Variants in DMRT1 observed in about 807,000 individuals in gnomAD.
DMRT1 encodes doublesex and mab-3 related transcription factor 1, also known as doublesex- and mab-3-related transcription factor 1.
DMRT1 carries 7 observed loss-of-function variants against 32.3 expected under a neutral mutation model. That is an observed-to-expected ratio of 0.22 (90% confidence interval 0.12 to 0.41). DMRT1 has a LOEUF of 0.41. Ranked by LOEUF, DMRT1 falls within the 10% of genes least tolerant of loss-of-function variation. The probability of loss-of-function intolerance (pLI) is 1.00; values close to 1 mark genes in which losing one functional copy is unlikely to be tolerated. For synonymous variants in DMRT1, 278 were observed against 206.1 expected (o/e 1.35, Z -2.99); for missense variants, 625 against 500.5 (o/e 1.25, Z -2.37).
At chr9:878,208 C>A (rs911806172) in intron 2 of DMRT1, among the ~76,000 whole-genome samples, 15 of 124,788 alleles carry the variant, frequency 1.2e-4, no homozygotes, top group Admixed American at 3.4e-4. Flanking sequence ...CTGCCCCCCC[C>A]CCACCCAATA....
chr9:890,900 T>C (rs1466247868), intron 2 of DMRT1, among the ~76,000 whole-genome samples: 1 of 136,704 alleles, frequency 7.3e-6, no homozygotes, highest in Non-Finnish European at 1.6e-5. Flanking sequence ...TTTTTTTGTA[T>C]TTTTTTTTTA....
At chr9:966,604 C>G (rs78595246) in intron 4 of DMRT1, among the ~76,000 whole-genome samples, 1 of 152,140 alleles carries the variant, frequency 6.6e-6, no homozygotes, top group African/African-American at 2.4e-5. Context: ...AGAAGGGGGC[C>G]TTCTGAAAGA....
At chr9:935,828 T>A (rs147437447) in intron 4 of DMRT1, among the ~76,000 whole-genome samples, 3 of 152,342 alleles carry the variant, frequency 2.0e-5, no homozygotes, top group East Asian at 1.9e-4. Flanking sequence ...CAAATGTTTG[T>A]CTCCAGGAAA....
intron 3 of DMRT1, among the ~76,000 whole-genome samples, chr9:902,352 T>A (rs1340098073): frequency 6.6e-6 from 1 of 151,908 alleles, no homozygotes; most frequent in African/African-American, 2.4e-5. Flanking sequence ...CTTTCTTTTT[T>A]AAGACTGCTG....
intron 2 of DMRT1, among the ~76,000 whole-genome samples, chr9:858,680 C>T (rs1225802610): frequency 1.3e-5 from 2 of 151,852 alleles, no homozygotes; most frequent in Admixed American, 1.3e-4. Flanking sequence ...TCGAGACCAG[C>T]CTGACCAACA....
intron 3 of DMRT1, among the ~76,000 whole-genome samples, chr9:900,559 C>T (rs551806800): frequency 6.1e-4 from 92 of 151,454 alleles, no homozygotes; most frequent in South Asian, 1.0e-3. Context: ...CATGGGAAGA[C>T]AAGGCGGAAA....
At chr9:878,272 C>T (rs555155003) in intron 2 of DMRT1, among the ~76,000 whole-genome samples, 23 of 131,066 alleles carry the variant, frequency 1.8e-4, no homozygotes, top group African/African-American at 6.3e-4. Context: ...TTCTCAAAAG[C>T]AGAGTCGAAT....
intron 4 of DMRT1, among the ~76,000 whole-genome samples, chr9:936,213 G>T (rs1052796267): frequency 6.6e-6 from 1 of 152,186 alleles, no homozygotes; most frequent in African/African-American, 2.4e-5. Flanking sequence ...TTACTTGGGA[G>T]TCAAGAGAGA....
At chr9:928,827 A>G (rs533639969) in intron 4 of DMRT1, among the ~76,000 whole-genome samples, 31 of 151,800 alleles carry the variant, frequency 2.0e-4, no homozygotes, top group African/African-American at 6.7e-4. Flanking sequence ...TGAAATTTAA[A>G]TTTTATTTAT....
At chr9:898,698 C>T (rs769359732) in intron 3 of DMRT1, among the ~76,000 whole-genome samples, 2 of 152,188 alleles carry the variant, frequency 1.3e-5, no homozygotes, top group African/African-American at 2.4e-5. Context: ...AATGGCTCAA[C>T]CTTGAGGCCA....
chr9:911,110 G>T (rs1443541607), intron 3 of DMRT1, among the ~76,000 whole-genome samples: 4 of 152,090 alleles, frequency 2.6e-5, no homozygotes, highest in Non-Finnish European at 4.4e-5. Context: ...TCTCACCTTG[G>T]CGCTGTTCAG....
At chr9:884,060 A>G (rs1816833361) in intron 2 of DMRT1, among the ~76,000 whole-genome samples, 1 of 152,066 alleles carries the variant, frequency 6.6e-6, no homozygotes, top group African/African-American at 2.4e-5. Context: ...TAAATGGTAA[A>G]TTTGGTTTTG....
chr9:870,321 C>T (rs1346708928), intron 2 of DMRT1, among the ~76,000 whole-genome samples: 4 of 152,084 alleles, frequency 2.6e-5, no homozygotes, highest in African/African-American at 7.2e-5. Context: ...ATCGCTTGAA[C>T]CTGGGAGGCG....
intron 4 of DMRT1, among the ~76,000 whole-genome samples, chr9:966,584 T>C (rs984306247): frequency 6.6e-6 from 1 of 152,230 alleles, no homozygotes; most frequent in Non-Finnish European, 1.5e-5. Flanking sequence ...TACCCATATG[T>C]CACACTGGAA....
chr9:891,242 T>C (rs1029643103), intron 2 of DMRT1, among the ~76,000 whole-genome samples: 8 of 146,302 alleles, frequency 5.5e-5, no homozygotes, highest in African/African-American at 1.8e-4. Context: ...AGCTCAGGAG[T>C]TCGAGATCAG....
intron 4 of DMRT1, among the ~76,000 whole-genome samples, chr9:963,381 G>A (rs983569303): frequency 5.3e-5 from 8 of 151,330 alleles, no homozygotes; most frequent in African/African-American, 1.5e-4. Flanking sequence ...AATTGCACTC[G>A]GGGGAAAAAC....
At chr9:860,083 G>C (rs995380448) in intron 2 of DMRT1, among the ~76,000 whole-genome samples, 2 of 152,140 alleles carry the variant, frequency 1.3e-5, no homozygotes, top group Non-Finnish European at 2.9e-5. Flanking sequence ...GATCACTTGA[G>C]GTCAGGAGTT....
chr9:906,899 G>A (rs968877771), intron 3 of DMRT1, among the ~76,000 whole-genome samples: 1 of 152,070 alleles, frequency 6.6e-6, no homozygotes, highest in Non-Finnish European at 1.5e-5. Flanking sequence ...AATTCCTTGG[G>A]ACCAGAACCA....
chr9:866,059 G>A (rs1453838478), intron 2 of DMRT1, among the ~76,000 whole-genome samples: 1 of 151,126 alleles, frequency 6.6e-6, no homozygotes, highest in Non-Finnish European at 1.5e-5. Context: ...AGCTGCTCAG[G>A]AGGCTGAGGC....
Sources: allele counts gnomAD v4.1 joint callset (sites outside exome capture counted in the v4.1 genomes callset), GRCh38; gene constraint gnomAD v4.1.1; transcripts MANE v1.5; gene names NCBI Gene and HGNC (gene_info 2026-07-23, HGNC 2026-07-21).